The following RNF43 variants were observed in gnomAD, a reference collection of about 807,000 sequenced individuals.
The protein encoded by RNF43 is ring finger protein 43, also known as E3 ubiquitin-protein ligase RNF43.
In RNF43, 37 loss-of-function variants were observed where a neutral mutation model predicts 78.4. The ratio of observed to expected loss-of-function variants is 0.47; its 90% CI spans 0.36 to 0.62. The LOEUF (loss-of-function observed/expected upper bound fraction) is 0.62, where lower values mean the gene tolerates loss of function less well. RNF43 is among the 20% of genes least tolerant of loss of function. RNF43 has a pLI of 0.00. For missense variants in RNF43, 774 were observed against 1,007.9 expected (o/e 0.77, Z 3.14); for synonymous variants, 347 against 395.0 (o/e 0.88, Z 1.44).
At chr17:58,393,333 G>A (rs1973599736) in intron 2 of RNF43, among the ~76,000 whole-genome samples, 1 of 152,160 alleles carries the variant, frequency 6.6e-6, no homozygotes, top group African/African-American at 2.4e-5. Context: ...CTTGAACACA[G>A]GAGGCAGAGG....
intron 2 of RNF43, among the ~76,000 whole-genome samples, chr17:58,390,141 G>A (rs1411916118): frequency 6.6e-6 from 1 of 152,066 alleles, no homozygotes; most frequent in East Asian, 1.9e-4. Context: ...AAGAAAATGT[G>A]GAAGGTGGGA....
chr17:58,388,059 C>A (rs1774906060), intron 2 of RNF43, among the ~76,000 whole-genome samples: 2 of 151,960 alleles, frequency 1.3e-5, no homozygotes, highest in Admixed American at 6.6e-5. Context: ...CTTTCCTTTG[C>A]TTCTTCTTAA....
intron 2 of RNF43, among the ~76,000 whole-genome samples, chr17:58,403,671 CAAGG>C (rs1567895440): frequency 2.6e-5 from 4 of 152,144 alleles, no homozygotes; most frequent in African/African-American, 9.7e-5. Flanking sequence ...GGTTTAATAA[CAAGG>C]CATAGTTACT....
chr17:58,364,962 G>C (rs1972918573), intron 3 of RNF43, among the ~76,000 whole-genome samples: 1 of 152,216 alleles, frequency 6.6e-6, no homozygotes, highest in African/African-American at 2.4e-5. Context: ...ACTGCCTGCA[G>C]GCAGAGGAGA....
intron 2 of RNF43, among the ~76,000 whole-genome samples, chr17:58,398,077 C>A (rs1973722249): frequency 6.6e-6 from 1 of 152,184 alleles, no homozygotes; most frequent in African/African-American, 2.4e-5. Flanking sequence ...GGGTTGCAAT[C>A]CTTAAACTTG....
chr17:58,405,766 A>AAAG (rs1325942339), intron 2 of RNF43, among the ~76,000 whole-genome samples: 99 of 133,430 alleles, frequency 7.4e-4, no homozygotes, highest in African/African-American at 2.5e-3. Flanking sequence ...AAGAAAGAAA[A>AAAG]AGAGAAAATA....
Position 58,376,706 on chromosome 17 carries a change from C to T in RNF43, c.253-5673G>A, listed in dbSNP as rs1205294768. Among the ~76,000 whole-genome samples the T allele has an allele frequency of 4.6e-5, 7 of 152,284 alleles. No homozygotes were observed. In the East Asian group the frequency reaches 1.4e-3, roughly 29 times the overall value. ...GGTCTCCTAATCATGAAGATGCAAA[C>T]ACGATTTCTACAGTGGGCCACCTGT... On this transcript the variant is annotated intron_variant, in intron 2 of 9. Coordinates refer to ENST00000407977, the MANE Select transcript of RNF43 (RefSeq NM_017763.6).
chr17:58,391,828 G>T (rs1017902097), intron 2 of RNF43, among the ~76,000 whole-genome samples: 1 of 152,196 alleles, frequency 6.6e-6, no homozygotes, highest in Non-Finnish European at 1.5e-5. Context: ...GAAAGTCAGA[G>T]GATCAGCATG....
chr17:58,373,682 C>T (rs1973147413), intron 2 of RNF43, among the ~76,000 whole-genome samples: 1 of 152,152 alleles, frequency 6.6e-6, no homozygotes, highest in Non-Finnish European at 1.5e-5. Context: ...CAATTATACT[C>T]TTTTAGTTAT....
intron 3 of RNF43, among the ~76,000 whole-genome samples, chr17:58,365,511 A>T (rs1972929979): frequency 6.6e-6 from 1 of 152,168 alleles, no homozygotes; most frequent in South Asian, 2.1e-4. Context: ...TGACATTCAA[A>T]CACTCCAGCC....
intron 2 of RNF43, among the ~76,000 whole-genome samples, chr17:58,410,286 G>T (rs890537028): frequency 1.3e-5 from 2 of 152,048 alleles, no homozygotes; most frequent in Non-Finnish European, 2.9e-5. Context: ...TGGGTGCCAG[G>T]CTTCTAACAA....
At position 58,363,508 on chromosome 17, in the gene RNF43, G is replaced by A. The variant is rs373829009; in HGVS notation, c.450+18C>T. 6.8e-6 allele frequency: 11 copies of A among 1,610,830 alleles called. No homozygotes were observed. The highest frequency in any genetic ancestry group is 2.7e-5 in the African/African-American group (2 of 74,940). On this transcript the variant is annotated intron_variant, in intron 4 of 9. Transcript: ENST00000407977. ...TCCATCCAGCCCCCACCTTGAACAC[G>A]CAAATGTCCCTGGGTACCTGCTCAG...
chr17:58,398,363 T>G (rs552563239), intron 2 of RNF43, among the ~76,000 whole-genome samples: 1 of 152,344 alleles, frequency 6.6e-6, no homozygotes, highest in Admixed American at 6.5e-5. Flanking sequence ...ACAATCTCCC[T>G]GGGAAGTTCT....
intron 2 of RNF43, among the ~76,000 whole-genome samples, chr17:58,397,054 A>C (rs1339944442): frequency 6.6e-6 from 1 of 152,088 alleles, no homozygotes; most frequent in Admixed American, 6.5e-5. Context: ...TAAAAAAAAA[A>C]AAAACTCCGT....
At position 58,358,588 on chromosome 17, in the gene RNF43, G is replaced by A. The variant is rs2143420791; in HGVS notation, c.1188C>T (p.Pro396=). The A allele has an allele frequency of 6.3e-7, 1 of 1,591,126 alleles. No individual in the cohort carries two copies. The highest frequency in any genetic ancestry group is 8.6e-7 in the Non-Finnish European group (1 of 1,167,874). ...RHHRFPRAAH[P]RAPGEQQRLA... ...GGCGCTGCTGCTCTCCTGGAGCCCG[G>A]GGATGTGCAGCTCTGGGGAAGCGGT... The change falls in exon 9 of 10, where the codon CCC becomes CCT. Residue 396 remains proline (P), a synonymous_variant. Transcript: ENST00000407977. The surrounding 1 kb of genome is among the most constrained non-coding windows in gnomAD (Gnocchi z 6.2).
At chr17:58,404,663 CAAT>C (rs1262453094) in intron 2 of RNF43, among the ~76,000 whole-genome samples, 1 of 152,036 alleles carries the variant, frequency 6.6e-6, no homozygotes, top group Non-Finnish European at 1.5e-5. Context: ...TGACTAAAGT[CAAT>C]AATAAGAAAA....
At chr17:58,365,000 G>A (rs1972919889) in intron 3 of RNF43, among the ~76,000 whole-genome samples, 1 of 152,204 alleles carries the variant, frequency 6.6e-6, no homozygotes, top group Non-Finnish European at 1.5e-5. Flanking sequence ...GTTTTGGTCA[G>A]GAAGGTAACT....
chr17:58,360,242 C>G lies in RNF43; in HGVS notation c.859G>C (p.Val287Leu), dbSNP rs770023953. The G allele has an allele frequency of 6.2e-7, 1 of 1,613,836 alleles. No homozygotes were observed. Among genetic ancestry groups the G allele is most frequent in the Non-Finnish European group, 8.5e-7 (1 of 1,179,766 alleles). ...TGGAACTCATGGAGGCAGGAAATGA[C>G]CCGTAGCTCCTGGAGAAAAAGAGGG... Reference protein sequence around the residue: ...EEFSEGQELRVISCLHEFHRN... With the variant: ...EEFSEGQELRLISCLHEFHRN... Residue 287 changes from valine to leucine, a missense_variant, in exon 8 of 10, where the codon GTC becomes CTC. Physicochemically the swap from Val to Leu is conservative, Grantham distance 32. Coordinates refer to ENST00000407977, the MANE Select transcript of RNF43 (RefSeq NM_017763.6). This position sits in a 1 kb window ranked among gnomAD's most constrained non-coding sequence, Gnocchi z 4.3.
chr17:58,357,139 C>G lies in RNF43; in HGVS notation c.2308+329G>C. The G allele has an allele frequency of 1.5e-6, 1 of 686,764 alleles. No individual in the cohort carries two copies. Among genetic ancestry groups the G allele is most frequent in the Non-Finnish European group, 2.7e-6 (1 of 375,200 alleles). 42.5% of individuals were successfully genotyped at this position (686,764 alleles called of 1,614,324 possible). On this transcript the variant is annotated intron_variant, in intron 9 of 9. Coordinates refer to ENST00000407977, the MANE Select transcript of RNF43 (RefSeq NM_017763.6). This position sits in a 1 kb window ranked among gnomAD's most constrained non-coding sequence, Gnocchi z 4.5. The stretch of plus-strand genomic sequence containing the variant: ...GAACTCCTGGCCTCAAGGGATCCAC[C>G]CACCTAGGCCTCCCAAAGTTCTGGG...
Sources: allele counts gnomAD v4.1 joint callset (sites outside exome capture counted in the v4.1 genomes callset), GRCh38; gene constraint gnomAD v4.1.1; non-coding constraint Gnocchi (gnomAD v3.1); transcripts MANE v1.5; gene names NCBI Gene and HGNC (gene_info 2026-07-23, HGNC 2026-07-21).